FRS2: variants seen among roughly 807,000 people sequenced by gnomAD.
FRS2 encodes the protein fibroblast growth factor receptor substrate 2.
A neutral mutation model predicts 43.9 loss-of-function variants in FRS2; 8 were observed. That is an observed-to-expected ratio of 0.18 (90% confidence interval 0.11 to 0.33). The LOEUF is 0.33. FRS2 is among the 10% of genes least tolerant of loss of function. The pLI is 1.00. For synonymous variants in FRS2, 219 were observed against 220.3 expected (o/e 0.99, Z 0.05); for missense variants, 534 against 627.6 (o/e 0.85, Z 1.59).
At chr12:69,560,787 G>A (rs1227531378) in intron 3 of FRS2, among the ~76,000 whole-genome samples, 1 of 152,092 alleles carries the variant, frequency 6.6e-6, no homozygotes, top group African/African-American at 2.4e-5. Context: ...TTTTTACTAA[G>A]TATCATAGTC....
intron 1 of FRS2, among the ~76,000 whole-genome samples, chr12:69,518,229 G>A (rs1010644645): frequency 6.6e-6 from 1 of 152,186 alleles, no homozygotes. Context: ...GGTTGAACAC[G>A]TTGGTGATTC....
chr12:69,540,057 T>C (rs1877735693), intron 3 of FRS2, among the ~76,000 whole-genome samples: 1 of 151,274 alleles, frequency 6.6e-6, no homozygotes, highest in African/African-American at 2.4e-5. Context: ...ATTGAGACCA[T>C]CCTGGCTAAC....
rs750848012 is a variant in FRS2 at position 69,572,074 on chromosome 12, C to T, written c.413-44C>T. The T allele has an allele frequency of 5.9e-6, 9 of 1,532,334 alleles. No homozygotes were observed. In the African/African-American group the frequency reaches 1.2e-4, roughly 21 times the overall value. The allele number at this position is 1,532,334 out of a possible 1,614,324, so 94.9% of individuals were successfully genotyped here. On this transcript the variant is annotated intron_variant, in intron 7 of 8. Transcript: ENST00000549921. ...CGATTCTTACTCATTTTTATTCTCT[C>T]TGCCCCGCCCCCCTTTTCCTTAAAC...
At chr12:69,507,394 T>A (rs990807713) in intron 1 of FRS2, among the ~76,000 whole-genome samples, 1 of 152,222 alleles carries the variant, frequency 6.6e-6, no homozygotes, top group Non-Finnish European at 1.5e-5. Flanking sequence ...AATATTATTT[T>A]AATCTTTTTA....
At chr12:69,526,300 G>T (rs1311985678) in intron 1 of FRS2, among the ~76,000 whole-genome samples, 2 of 152,170 alleles carry the variant, frequency 1.3e-5, no homozygotes, top group African/African-American at 4.8e-5. Context: ...TAGGACATTA[G>T]TATAATAAGG....
At chr12:69,556,665 C>T (rs1240244688) in intron 3 of FRS2, among the ~76,000 whole-genome samples, 2 of 152,050 alleles carry the variant, frequency 1.3e-5, no homozygotes, top group Admixed American at 6.5e-5. Context: ...TTATTTAGTT[C>T]TAGGTTAAAG....
chr12:69,524,925 A>G (rs1402217507), intron 1 of FRS2, among the ~76,000 whole-genome samples: 1 of 152,172 alleles, frequency 6.6e-6, no homozygotes, highest in Non-Finnish European at 1.5e-5. Flanking sequence ...ACTGGGGGCC[A>G]GGAACTAGTC....
chr12:69,554,995 C>A (rs568194913), intron 3 of FRS2, among the ~76,000 whole-genome samples: 2 of 151,966 alleles, frequency 1.3e-5, no homozygotes, highest in East Asian at 3.9e-4. Flanking sequence ...AGGTGTGAAC[C>A]ACGTGCTCAG....
At chr12:69,506,721 T>G (rs1400289831) in intron 1 of FRS2, among the ~76,000 whole-genome samples, 1 of 152,206 alleles carries the variant, frequency 6.6e-6, no homozygotes, top group Non-Finnish European at 1.5e-5. Flanking sequence ...TGTTTTGTAT[T>G]GTTCATGAAT....
intron 3 of FRS2, among the ~76,000 whole-genome samples, chr12:69,556,538 C>G (rs1852876004): frequency 6.6e-6 from 1 of 152,004 alleles, no homozygotes; most frequent in Admixed American, 6.6e-5. Flanking sequence ...GTTGGCCAAA[C>G]TGGTCTTGAA....
In FRS2 at chr12:69,509,960, C is replaced by A. The variant is rs142998368; in HGVS notation, c.-260-20905C>A. On this transcript the variant is annotated intron_variant, in intron 1 of 8. Transcript: ENST00000549921. Reference sequence around the variant, plus strand: ...AATTTATTGGGAATTTACAGGTATGCCAAACAAAGGCAATTTTAACAGCCA... The same window carrying A: ...AATTTATTGGGAATTTACAGGTATGACAAACAAAGGCAATTTTAACAGCCA... 3.3e-5 allele frequency among the ~76,000 whole-genome samples: 5 copies of A among 152,176 alleles called. No individual in the cohort carries two copies. The East Asian group carries it at 9.6e-4, about 29-fold the overall frequency.
At chr12:69,540,704 T>G (rs1226589754) in intron 3 of FRS2, among the ~76,000 whole-genome samples, 1 of 152,178 alleles carries the variant, frequency 6.6e-6, no homozygotes, top group Non-Finnish European at 1.5e-5. Context: ...TTCCAAGAAG[T>G]ACAGTACTTC....
At chr12:69,540,973 A>G (rs1877850245) in intron 3 of FRS2, among the ~76,000 whole-genome samples, 2 of 152,218 alleles carry the variant, frequency 1.3e-5, no homozygotes, top group Non-Finnish European at 2.9e-5. Flanking sequence ...GCTCCTGAAA[A>G]TGGTCAGGAT....
intron 1 of FRS2, among the ~76,000 whole-genome samples, chr12:69,492,807 T>A (rs1290062996): frequency 6.6e-6 from 1 of 152,228 alleles, no homozygotes; most frequent in Non-Finnish European, 1.5e-5. Flanking sequence ...GTAGCAATAA[T>A]TCTCTGTTTG....
chr12:69,478,208 T>G (rs1337219609), intron 1 of FRS2, among the ~76,000 whole-genome samples: 2 of 152,160 alleles, frequency 1.3e-5, no homozygotes, highest in African/African-American at 2.4e-5. Context: ...GGGGATTTAA[T>G]CCGTTAAAAT....
chr12:69,536,000 C>A (rs925931355), intron 3 of FRS2, among the ~76,000 whole-genome samples: 1 of 150,068 alleles, frequency 6.7e-6, no homozygotes, highest in Non-Finnish European at 1.5e-5. Context: ...TATCTGAACA[C>A]ACTTTTAGCC....
At chr12:69,573,609 C>T (rs1333935757) in intron 8 of FRS2, among the ~76,000 whole-genome samples, 2 of 152,100 alleles carry the variant, frequency 1.3e-5, no homozygotes, top group Non-Finnish European at 2.9e-5. Context: ...ATTACAGGCG[C>T]TCACCACCAT....
chr12:69,537,723 G>A (rs1170070350), intron 3 of FRS2, among the ~76,000 whole-genome samples: 3 of 151,688 alleles, frequency 2.0e-5, no homozygotes, highest in Non-Finnish European at 2.9e-5. Context: ...CTGGATCTGA[G>A]GATAATAATA....
At chr12:69,545,935 C>T (rs1196347629) in intron 3 of FRS2, among the ~76,000 whole-genome samples, 1 of 152,038 alleles carries the variant, frequency 6.6e-6, no homozygotes, top group Non-Finnish European at 1.5e-5. Context: ...TGGATCTTCA[C>T]CTAGCACCAT....
Sources: gnomAD v4.1 joint callset for allele counts (sites outside exome capture counted in the v4.1 genomes callset) on GRCh38, gnomAD v4.1.1 for gene constraint, MANE v1.5 for transcripts, NCBI Gene and HGNC (gene_info 2026-07-23, HGNC 2026-07-21) for gene names.